The following JTB variants were observed in gnomAD, a reference collection of about 807,000 sequenced individuals.
JTB encodes jumping translocation breakpoint.
In JTB, 10 loss-of-function variants were observed where a neutral mutation model predicts 22.1. The ratio of observed to expected loss-of-function variants is 0.45; its 90% CI spans 0.28 to 0.77. JTB has a LOEUF of 0.77. Among genes scored for constraint, JTB ranks in the 30% least tolerant of loss-of-function variants. The pLI is 0.13. For missense variants in JTB, 137 were observed against 180.3 expected (o/e 0.76, Z 1.38); for synonymous variants, 83 against 66.8 (o/e 1.24, Z -1.18).
At position 153,974,814 on chromosome 1, in the gene JTB, T is replaced by G; in HGVS notation, c.306A>C (p.Glu102Asp). The G allele has an allele frequency of 6.2e-7, 1 of 1,610,146 alleles. No individual in the cohort carries two copies. Among genetic ancestry groups the G allele is most frequent in the Non-Finnish European group, 8.5e-7 (1 of 1,176,704 alleles). Residue 102 changes from glutamate to aspartate, a missense_variant, in exon 5 of 5, where the codon GAA (glutamate) becomes GAC (aspartate). Physicochemically the swap from Glu to Asp is conservative, Grantham distance 45. Coordinates refer to ENST00000271843, the MANE Select transcript of JTB (RefSeq NM_006694.4). Reference sequence around the variant, plus strand: ...CTTCGAACTTCCAAAATAAGCGTTGTTCCATCAAAGCTGAGCGGCAGCTGA... The same window carrying G: ...CTTCGAACTTCCAAAATAAGCGTTGGTCCATCAAAGCTGAGCGGCAGCTGA... ...EFKSCRSALM[E>D]QRLFWKFEGA...
At chr1:153,976,621 G>T in intron 3 of JTB, 72 bp downstream of exon 3, 1 of 1,240,876 alleles carries the variant, frequency 8.1e-7, no homozygotes, top group Non-Finnish European at 1.2e-6. Flanking sequence ...AATAAGACTT[G>T]GATGTTAAGA....
chr1:153,975,468 G>C (rs1336319318), intron 4 of JTB, among the ~76,000 whole-genome samples: 1 of 143,388 alleles, frequency 7.0e-6, no homozygotes, highest in African/African-American at 2.6e-5. Flanking sequence ...CATTGCCCAG[G>C]CTGGAGTGCA....
chr1:153,974,892 A>G (rs1468993828), intron 4 of JTB, 57 bp from the exon 5 acceptor site: 1 of 1,559,054 alleles, frequency 6.4e-7, no homozygotes, highest in Non-Finnish European at 8.8e-7. Flanking sequence ...TCTCCCTCTA[A>G]TTTCCCTTCT....
At chr1:153,976,438 G>A (rs1474775182) in intron 3 of JTB, among the ~76,000 whole-genome samples, 2 of 152,316 alleles carry the variant, frequency 1.3e-5, no homozygotes, top group Non-Finnish European at 2.9e-5. Context: ...TCCAGCCTGG[G>A]CAACAGAGTG....
intron 1 of JTB, 63 bp from the exon 2 acceptor site, chr1:153,977,076 C>A: frequency 6.2e-7 from 1 of 1,614,056 alleles, no homozygotes; most frequent in Non-Finnish European, 8.5e-7. Flanking sequence ...CCCCCTCCTG[C>A]GCTGTCCATG....
At chr1:153,976,844 A>T in intron 2 of JTB, 69 bp from the exon 3 acceptor site, 2 of 1,596,428 alleles carry the variant, frequency 1.3e-6, no homozygotes, top group Non-Finnish European at 1.7e-6. Context: ...TGCCCATCCA[A>T]CTTCCCGGCA....
At chr1:153,977,135 T>C (rs1338501321) in intron 1 of JTB, 35 bp downstream of exon 1, 2 of 1,613,886 alleles carry the variant, frequency 1.2e-6, no homozygotes, top group Non-Finnish European at 1.7e-6. Flanking sequence ...TGTCCTCCAG[T>C]GACCTCCTTT....
In JTB at chr1:153,974,320, G is replaced by T; in HGVS notation, c.*359C>A. 1 of 457,608 alleles carries T rather than the reference G, an allele frequency of 2.2e-6. No individual in the cohort carries two copies. The highest frequency in any genetic ancestry group is 3.9e-6 in the Non-Finnish European group (1 of 257,274). The allele number at this position is 457,608 out of a possible 1,614,324, so 28.3% of individuals were successfully genotyped here. ...TCTTCTTTGGGTATAGGGTTGAGGG[G>T]AAATAAGTTTTGAGTGAGAAATAAA... On this transcript the variant is annotated 3_prime_UTR_variant, in exon 5 of 5. Transcript: ENST00000271843.
intron 3 of JTB, 132 bp downstream of exon 3, chr1:153,976,561 T>C (rs1473654464): frequency 8.1e-6 from 6 of 740,490 alleles, no homozygotes; most frequent in Non-Finnish European, 1.4e-5. Context: ...GATTTGGACA[T>C]ACACTGAGAC....
intron 2 of JTB, 93 bp downstream of exon 2, chr1:153,976,883 C>T (rs1247481312): frequency 1.1e-5 from 17 of 1,599,122 alleles, no homozygotes; most frequent in South Asian, 2.2e-5. Flanking sequence ...CATGTGGTGC[C>T]GGCCTTTTCC....
chr1:153,977,099 C>T, intron 1 of JTB, 71 bp downstream of exon 1: 4 of 1,613,948 alleles, frequency 2.5e-6, no homozygotes, highest in Non-Finnish European at 3.4e-6. Context: ...TAAGATCTCC[C>T]CCAGCCCCGA....
At position 153,974,660 on chromosome 1, in the gene JTB, A is replaced by G; in HGVS notation, c.*19T>C. 1 of 1,599,286 alleles carries G rather than the reference A, an allele frequency of 6.3e-7. No individual in the cohort carries two copies. Among genetic ancestry groups the G allele is most frequent in the Non-Finnish European group, 8.6e-7 (1 of 1,167,356 alleles). ...TGAGATAGGGTCTCTAAGACCCAGGATACAAGGGTGGAATGTAGCTATATG... is the reference window on the plus strand; with the variant it reads ...TGAGATAGGGTCTCTAAGACCCAGGGTACAAGGGTGGAATGTAGCTATATG... On this transcript the variant is annotated 3_prime_UTR_variant, in exon 5 of 5. Transcript: ENST00000271843.
rs1648831157 is a variant in JTB, at chr1:153,977,329, C to A, written c.-77G>T. On this transcript the variant is annotated 5_prime_UTR_variant, in exon 1 of 5. Transcript: ENST00000271843. The stretch of plus-strand genomic sequence containing the variant: ...TCGTGCCTCCGTCGGAGCGCAGAGG[C>A]GGCACTTACTCTGCAGCCCTCCCAG... 2.5e-6 allele frequency: 4 copies of A among 1,576,018 alleles called. No homozygotes were observed. Among genetic ancestry groups the A allele is most frequent in the South Asian group, 2.3e-5 (2 of 86,024 alleles).
Position 153,977,255 on chromosome 1 carries a change from A to G in JTB, c.-3T>C, listed in dbSNP as rs752204219. ...GGCCTCCCGGCACCCGCAAGCATGG[A>G]GCGCCAAGTGTCGCACCTGTCGGAA... On this transcript the variant is annotated 5_prime_UTR_variant, in exon 1 of 5. Coordinates refer to ENST00000271843, the MANE Select transcript of JTB (RefSeq NM_006694.4). 5 of 1,613,862 alleles carry G rather than the reference A, an allele frequency of 3.1e-6. No homozygotes were observed. The African/African-American group carries it at 6.7e-5, about 22-fold the overall frequency.
In JTB at chr1:153,976,999, G is replaced by A; in HGVS notation, c.98C>T (p.Pro33Leu). The A allele has an allele frequency of 1.9e-6, 3 of 1,614,170 alleles. No homozygotes were observed. The highest frequency in any genetic ancestry group is 2.5e-6 in the Non-Finnish European group (3 of 1,180,034). ...FTLKLCQAEAPVQEEKLSAST... is the reference protein window; with the variant it reads ...FTLKLCQAEALVQEEKLSAST... ...ACCTGACAGCTTCTCTTCCTGCACG[G>A]GAGCCTCTGCTTGGCTGTAGCGGAG... Residue 33 changes from proline to leucine, a missense_variant, in exon 2 of 5, where the codon CCC becomes CTC. Transcript: ENST00000271843.
Position 153,974,562 on chromosome 1 carries a change from G to T in JTB, c.*117C>A. 2 of 793,352 alleles carry T rather than the reference G, an allele frequency of 2.5e-6. No individual in the cohort carries two copies. Among genetic ancestry groups the T allele is most frequent in the Non-Finnish European group, 4.0e-6 (2 of 495,932 alleles). 49.1% of individuals were successfully genotyped at this position (793,352 alleles called of 1,614,324 possible). ...CATTAATGATCTGAAAGAAGAAGAT[G>T]GGGAAAAGGGGATTCCACCACAAGG... On this transcript the variant is annotated 3_prime_UTR_variant, in exon 5 of 5. Transcript: ENST00000271843.
At position 153,977,237 on chromosome 1, in the gene JTB, C is replaced by T; in HGVS notation, c.16G>A (p.Gly6Arg). The change falls in exon 1 of 5, where the codon GGG becomes AGG. Residue 6 changes from glycine to arginine, a missense_variant. By Grantham distance (125) the Gly-to-Arg change is moderately radical. Coordinates refer to ENST00000271843, the MANE Select transcript of JTB (RefSeq NM_006694.4). Reference protein sequence around the residue: MLAGAGRPGLPQGRHL... With the variant: MLAGARRPGLPQGRHL... ...CGGCCCTGGGGGAGGCCAGGCCTCC[C>T]GGCACCCGCAAGCATGGAGCGCCAA... 6.2e-7 allele frequency: 1 copy of T among 1,614,094 alleles called. No individual in the cohort carries two copies. The highest frequency in any genetic ancestry group is 8.5e-7 in the Non-Finnish European group (1 of 1,180,028).
Position 153,974,683 on chromosome 1 carries a change from A to AT in JTB, c.436dup (p.Ile146AsnfsTer25). 6.2e-7 allele frequency: 1 copy of AT among 1,612,166 alleles called. No individual in the cohort carries two copies. The highest frequency in any genetic ancestry group is 8.5e-7 in the Non-Finnish European group (1 of 1,178,312). ...GGATACAAGGGTGGAATGTAGCTAT[A>AT]TGGACTCGATTTGCTTCCGGACCTT... On this transcript the variant is annotated frameshift_variant, in exon 5 of 5. Transcript: ENST00000271843. LOFTEE classifies it high-confidence loss of function.
Position 153,977,325 on chromosome 1 carries a change from G to C in JTB, c.-73C>G. 1.9e-6 allele frequency: 3 copies of C among 1,581,124 alleles called. No homozygotes were observed. The Admixed American group carries it at 5.4e-5, about 29-fold the overall frequency. On this transcript the variant is annotated 5_prime_UTR_variant, in exon 1 of 5. Coordinates refer to ENST00000271843, the MANE Select transcript of JTB (RefSeq NM_006694.4). ...GGCCTCGTGCCTCCGTCGGAGCGCA[G>C]AGGCGGCACTTACTCTGCAGCCCTC... is the stretch of plus-strand genomic sequence containing the variant.
Sources: gnomAD v4.1 joint callset for allele counts (sites outside exome capture counted in the v4.1 genomes callset) on GRCh38, gnomAD v4.1.1 for gene constraint, MANE v1.5 for transcripts, NCBI Gene and HGNC (gene_info 2026-07-23, HGNC 2026-07-21) for gene names.